HOMER1: variants seen among roughly 807,000 people sequenced by gnomAD.
HOMER1 encodes homer scaffold protein 1.
Under a neutral mutation model 48.9 loss-of-function variants are expected in HOMER1, and 3 were observed. The ratio of observed to expected loss-of-function variants is 0.06; its 90% CI spans 0.03 to 0.16. The LOEUF is 0.16. Among genes scored for constraint, HOMER1 ranks in the 10% least tolerant of loss-of-function variants. The probability of loss-of-function intolerance (pLI) is 1.00; values close to 1 mark genes in which losing one functional copy is unlikely to be tolerated. For missense variants in HOMER1, 247 were observed against 411.4 expected, an observed-to-expected ratio of 0.60 and a Z score of 3.46; for synonymous variants, 134 against 146.4, an observed-to-expected ratio of 0.92 and a Z score of 0.61.
intron 1 of HOMER1, among the ~76,000 whole-genome samples, chr5:79,500,372 C>T (rs1445493115): frequency 6.6e-6 from 1 of 152,114 alleles, no homozygotes; most frequent in East Asian, 1.9e-4. Flanking sequence ...ATTAGAAGAG[C>T]TTTGGCTTAA....
intron 5 of HOMER1, among the ~76,000 whole-genome samples, chr5:79,436,404 G>A (rs1750585126): frequency 6.6e-6 from 1 of 152,162 alleles, no homozygotes; most frequent in Non-Finnish European, 1.5e-5. Flanking sequence ...AACTGACAGT[G>A]CATACCAGAA....
intron 1 of HOMER1, among the ~76,000 whole-genome samples, chr5:79,458,357 A>T (rs1751227902): frequency 6.6e-6 from 1 of 151,846 alleles, no homozygotes; most frequent in African/African-American, 2.4e-5. Context: ...AAAGCAGTTC[A>T]ATGTCATAAA....
rs1561389056 is a variant in HOMER1, at chr5:79,500,957, C to CTGTGTGTGTG, written c.5+11812_5+11813insCACACACACA. ...TGTGTGTGTGTGTGTGTGTGTGAGA[C>CTGTGTGTGTG]AGACAGACACACACACACACACACA... is the stretch of plus-strand genomic sequence containing the variant. On this transcript the variant is annotated intron_variant, in intron 1 of 8. Transcript: ENST00000334082. Among the ~76,000 whole-genome samples, 29 of 62,678 alleles carry CTGTGTGTGTG rather than the reference C, an allele frequency of 4.6e-4. No homozygotes were observed. In the East Asian group the frequency reaches 7.3e-3, roughly 16 times the overall value. The allele number at this position is 62,678 out of a possible 152,430, so 41.1% of individuals were successfully genotyped here.
chr5:79,436,898 G>T (rs1039281517), intron 5 of HOMER1, among the ~76,000 whole-genome samples: 1 of 152,114 alleles, frequency 6.6e-6, no homozygotes, highest in African/African-American at 2.4e-5. Flanking sequence ...ATCCTGTGAA[G>T]TATTTTTCTG....
In HOMER1 at chr5:79,375,877, ATCC is replaced by A. The variant is rs1258977493; in HGVS notation, c.*129_*131del. 1.0e-5 allele frequency: 5 copies of A among 481,366 alleles called. No individual in the cohort carries two copies. The highest frequency in any genetic ancestry group is 1.0e-4 in the African/African-American group (5 of 49,122). 29.8% of individuals were successfully genotyped at this position (481,366 alleles called of 1,614,324 possible). A position where few individuals can be genotyped will look rare whatever the true frequency, so the allele number is the denominator to read the frequency against. ...AAATATACAATTCCAATTTCAAAAG[ATCC>A]TCCTCCTGGAGGAGTGATATTCAAT... On this transcript the variant is annotated 3_prime_UTR_variant, in exon 9 of 9. Transcript: ENST00000334082.
In HOMER1 at chr5:79,451,099, G is replaced by A; in HGVS notation, c.185C>T (p.Thr62Ile). Reference sequence around the variant, plus strand: ...TGTTTTAGTAAATGTCATGTTTGGGGTGATGGTACTATTTATTATTGCCTA... The same window carrying A: ...TGTTTTAGTAAATGTCATGTTTGGGATGATGGTACTATTTATTATTGCCTA... ...GSKAIINSTITPNMTFTKTSQ... is the reference protein window; with the variant it reads ...GSKAIINSTIIPNMTFTKTSQ... The change falls in exon 3 of 9, where the codon ACC (threonine) becomes ATC (isoleucine). Residue 62 changes from threonine to isoleucine, a missense_variant. By Grantham distance (89) the Thr-to-Ile change is moderately conservative (BLOSUM62 -1). Transcript: ENST00000334082. 6.2e-7 allele frequency: 1 copy of A among 1,613,742 alleles called. No homozygotes were observed. The highest frequency in any genetic ancestry group is 8.5e-7 in the Non-Finnish European group (1 of 1,179,758).
intron 5 of HOMER1, among the ~76,000 whole-genome samples, chr5:79,402,916 A>G (rs754873511): frequency 2.0e-5 from 3 of 152,222 alleles, no homozygotes; most frequent in Non-Finnish European, 4.4e-5. Flanking sequence ...ATTTCATAGG[A>G]AAGGCTAGGC....
intron 5 of HOMER1, among the ~76,000 whole-genome samples, chr5:79,437,824 T>G (rs1750634305): frequency 6.6e-6 from 1 of 152,048 alleles, no homozygotes; most frequent in South Asian, 2.1e-4. Context: ...CTGGCCTAAG[T>G]TTTTACATAT....
At chr5:79,385,130 T>C (rs1749076335) in intron 8 of HOMER1, among the ~76,000 whole-genome samples, 1 of 152,074 alleles carries the variant, frequency 6.6e-6, no homozygotes, top group African/African-American at 2.4e-5. Context: ...AAGACTTAAA[T>C]GTAATACCTA....
intron 1 of HOMER1, among the ~76,000 whole-genome samples, chr5:79,501,081 C>T (rs1485154342): frequency 6.6e-6 from 1 of 151,968 alleles, no homozygotes; most frequent in Non-Finnish European, 1.5e-5. Context: ...AGCCATCCTC[C>T]CACCTTGGCC....
At chr5:79,421,671 T>C (rs1750103950) in intron 5 of HOMER1, among the ~76,000 whole-genome samples, 1 of 151,624 alleles carries the variant, frequency 6.6e-6, no homozygotes, top group South Asian at 2.1e-4. Flanking sequence ...AATGGCGCAA[T>C]CTTGGCTCAC....
At position 79,461,327 on chromosome 5, in the gene HOMER1, A is replaced by G. The variant is rs116516270; in HGVS notation, c.6-4309T>C. Among the ~76,000 whole-genome samples, 1,153 of 152,298 alleles carry G rather than the reference A, an allele frequency of 7.6e-3. 17 individuals carry two copies. Among genetic ancestry groups the G allele is most frequent in the African/African-American group, 0.025 (1,023 of 41,558 alleles). ...TTCAAGTGTCCAGGTATCAAAGTTA[A>G]TATCTTTTCATAAACTGTATAAAAC... On this transcript the variant is annotated intron_variant, in intron 1 of 8. Coordinates refer to ENST00000334082, the MANE Select transcript of HOMER1 (RefSeq NM_004272.5).
intron 1 of HOMER1, among the ~76,000 whole-genome samples, chr5:79,497,494 T>A (rs939191271): frequency 4.8e-4 from 70 of 145,494 alleles, no homozygotes; most frequent in Non-Finnish European, 3.0e-4. Flanking sequence ...TACTAAAAAA[T>A]AAATAAATAA....
rs747898101 is a variant in HOMER1 at position 79,374,503 on chromosome 5, T to C, written c.*1506A>G. ...GAGTGAAAAAATGGTTACAAATTGG[T>C]TAATTAGCTTAATTTTGTACTTAAC... On this transcript the variant is annotated 3_prime_UTR_variant, in exon 9 of 9. Transcript: ENST00000334082. 17 of 152,080 alleles carry C rather than the reference T, an allele frequency of 1.1e-4. No homozygotes were observed. Among genetic ancestry groups the C allele is most frequent in the Non-Finnish European group, 1.9e-4 (13 of 67,874 alleles). The allele number at this position is 152,080 out of a possible 1,614,324, so 9.4% of individuals were successfully genotyped here.
intron 1 of HOMER1, among the ~76,000 whole-genome samples, chr5:79,461,537 A>G (rs1463561398): frequency 1.3e-5 from 2 of 152,328 alleles, no homozygotes; most frequent in East Asian, 3.9e-4. Flanking sequence ...GTACATTAGC[A>G]TGTTAAAGGT....
intron 1 of HOMER1, among the ~76,000 whole-genome samples, chr5:79,468,835 C>T (rs1171595311): frequency 6.6e-6 from 1 of 152,184 alleles, no homozygotes; most frequent in Non-Finnish European, 1.5e-5. Context: ...CACGTAACAT[C>T]TTTAATTTGT....
At chr5:79,412,124 A>C (rs1300312977) in intron 5 of HOMER1, among the ~76,000 whole-genome samples, 1 of 152,192 alleles carries the variant, frequency 6.6e-6, no homozygotes. Flanking sequence ...ATCTCAAAAA[A>C]TTAAATTAAA....
chr5:79,401,905 G>A lies in HOMER1; in HGVS notation c.678C>T (p.His226=), dbSNP rs1333733421. Reference sequence around the variant, plus strand: ...ACATCAGCCCTGAAATTACCCGCTTGTGCAGACGTTCTGCTTCCTCTTGAT... The same window carrying A: ...ACATCAGCCCTGAAATTACCCGCTTATGCAGACGTTCTGCTTCCTCTTGAT... The part of the protein sequence containing the change: ...AAYQEEAERL[H]KRVTELECVS... The change falls in exon 6 of 9, where the codon CAC becomes CAT. Residue 226 remains histidine (H), a synonymous_variant. Transcript: ENST00000334082. 2 of 1,613,800 alleles carry A rather than the reference G, an allele frequency of 1.2e-6. No homozygotes were observed. The highest frequency in any genetic ancestry group is 1.7e-6 in the Non-Finnish European group (2 of 1,179,794).
chr5:79,506,049 A>C (rs1752756126), intron 1 of HOMER1, among the ~76,000 whole-genome samples: 1 of 152,148 alleles, frequency 6.6e-6, no homozygotes, highest in South Asian at 2.1e-4. Flanking sequence ...AGACAAAAAA[A>C]ATTAAATTAA....
Sources: gnomAD v4.1 joint callset for allele counts (sites outside exome capture counted in the v4.1 genomes callset) on GRCh38, gnomAD v4.1.1 for gene constraint, MANE v1.5 for transcripts, NCBI Gene and HGNC (gene_info 2026-07-23, HGNC 2026-07-21) for gene names.